The following POC5 variants were observed in gnomAD, a reference collection of about 807,000 sequenced individuals.
POC5 encodes POC5 centriolar protein, also known as centrosomal protein POC5.
In POC5, 48 loss-of-function variants were observed where a neutral mutation model predicts 62.9. That is an observed-to-expected ratio of 0.76 (90% confidence interval 0.61 to 0.97). POC5 has a LOEUF of 0.97. Among genes scored for constraint, POC5 ranks in the 50% least tolerant of loss-of-function variants. The probability of loss-of-function intolerance (pLI) is 0.00; values close to 1 mark genes in which losing one functional copy is unlikely to be tolerated. For synonymous variants in POC5, 236 were observed against 228.2 expected (o/e 1.03, Z -0.31); for missense variants, 696 against 679.5 (o/e 1.02, Z -0.27).
chr5:75,703,458 T>C (rs1332866070), intron 4 of POC5, among the ~76,000 whole-genome samples: 6 of 151,920 alleles, frequency 3.9e-5, no homozygotes, highest in Admixed American at 3.9e-4. Context: ...AAACCCCATC[T>C]CTACTAAAAA....
intron 1 of POC5, among the ~76,000 whole-genome samples, chr5:75,716,387 G>A (rs1199793509): frequency 1.3e-5 from 1 of 77,036 alleles, no homozygotes; most frequent in South Asian, 5.5e-4. Context: ...CAGGGGTGGG[G>A]GGGGGGGGGT....
Position 75,705,723 on chromosome 5 carries a change from T to C in POC5, c.288A>G (p.Ser96=). ...EVGKGCDFHI[S]SHSKTDESSP... is the part of the protein sequence containing the mutation. ...TCATACCATCTGTCTTTGAATGACTTGAAATATGGAAATCACATCCTTTTC... is the reference window on the plus strand; with the variant it reads ...TCATACCATCTGTCTTTGAATGACTCGAAATATGGAAATCACATCCTTTTC... The change falls in exon 4 of 12, where the codon TCA becomes TCG. Residue 96 remains serine, a synonymous_variant. Coordinates refer to ENST00000428202, the MANE Select transcript of POC5 (RefSeq NM_001099271.2). The C allele has an allele frequency of 6.5e-7, 1 of 1,545,602 alleles. No individual in the cohort carries two copies. Among genetic ancestry groups the C allele is most frequent in the Non-Finnish European group, 8.7e-7 (1 of 1,145,272 alleles).
intron 5 of POC5, among the ~76,000 whole-genome samples, chr5:75,701,009 A>G (rs1327249297): frequency 7.8e-6 from 1 of 128,368 alleles, no homozygotes; most frequent in Non-Finnish European, 1.7e-5. Context: ...GCAAATCAAA[A>G]CCACAATGAG....
intron 9 of POC5, 66 bp downstream of exon 9, chr5:75,688,946 C>CA: frequency 7.0e-7 from 1 of 1,424,556 alleles, no homozygotes; most frequent in Non-Finnish European, 9.3e-7. Flanking sequence ...TAGACCATAC[C>CA]AATCACCAAA....
chr5:75,712,570 T>C (rs1021983447), intron 2 of POC5: 3 of 1,007,188 alleles, frequency 3.0e-6, no homozygotes, highest in Middle Eastern at 2.0e-4. Flanking sequence ...ATGAAAAAAA[T>C]TTAAACAAAA....
intron 2 of POC5, among the ~76,000 whole-genome samples, chr5:75,709,812 C>T (rs1338244320): frequency 6.6e-6 from 1 of 152,156 alleles, no homozygotes; most frequent in Non-Finnish European, 1.5e-5. Context: ...TAAACTAATA[C>T]ATAAAATTTC....
At chr5:75,684,616 G>C (rs1284533005) in intron 10 of POC5, among the ~76,000 whole-genome samples, 1 of 152,018 alleles carries the variant, frequency 6.6e-6, no homozygotes, top group Non-Finnish European at 1.5e-5. Context: ...GCCCACCTCG[G>C]CCTCCCAGAG....
chr5:75,683,686 T>G (rs1775959300), intron 10 of POC5, among the ~76,000 whole-genome samples: 1 of 150,668 alleles, frequency 6.6e-6, no homozygotes, highest in African/African-American at 2.5e-5. Context: ...ACGATGTGCT[T>G]CATCTGAAAC....
chr5:75,675,586 A>G (rs1434686916), intron 11 of POC5, among the ~76,000 whole-genome samples: 2 of 152,234 alleles, frequency 1.3e-5, no homozygotes, highest in Non-Finnish European at 2.9e-5. Flanking sequence ...AAAGAAAAAT[A>G]ACTTCTTTTC....
chr5:75,702,848 G>T, intron 4 of POC5, 38 bp from the exon 5 acceptor site: 1 of 1,461,158 alleles, frequency 6.8e-7, no homozygotes, highest in Non-Finnish European at 9.4e-7. Context: ...AAGCCAAATT[G>T]AAAATAACTC....
intron 2 of POC5, among the ~76,000 whole-genome samples, chr5:75,711,045 G>A (rs903302538): frequency 7.2e-5 from 11 of 152,084 alleles, no homozygotes; most frequent in Non-Finnish European, 1.3e-4. Flanking sequence ...AAATAAATAA[G>A]TATATGTCAA....
At chr5:75,679,919 G>A (rs927324760) in intron 10 of POC5, among the ~76,000 whole-genome samples, 19 of 152,092 alleles carry the variant, frequency 1.2e-4, no homozygotes, top group African/African-American at 4.6e-4. Context: ...ACAGAGTTAG[G>A]GAGAGGAATT....
intron 9 of POC5, among the ~76,000 whole-genome samples, chr5:75,687,737 G>A (rs570473146): frequency 6.6e-6 from 1 of 152,246 alleles, no homozygotes; most frequent in East Asian, 1.9e-4. Context: ...TAAGAAACAG[G>A]TTTCTTGTAA....
Position 75,707,840 on chromosome 5 carries a change from C to A in POC5, c.120G>T (p.Val40=). The change falls in exon 3 of 12, where the codon GTG becomes GTT. Residue 40 remains valine, a synonymous_variant. Transcript: ENST00000428202. ...AAGCACAGGGTTCAATATTTGGAGT[C>A]ACTATAGCATAATGAAGCAGTTCTT... is the stretch of plus-strand genomic sequence containing the variant. ...EYEELLHYAI[V]TPNIEPCASQ... is the part of the protein sequence containing the mutation. 6.3e-7 allele frequency: 1 copy of A among 1,591,428 alleles called. No homozygotes were observed. The highest frequency in any genetic ancestry group is 8.6e-7 in the Non-Finnish European group (1 of 1,165,672).
rs763108233 is a variant in POC5, at chr5:75,692,393, T to G, written c.795+3A>C. 5.7e-6 allele frequency: 9 copies of G among 1,577,450 alleles called. No homozygotes were observed. Among genetic ancestry groups the G allele is most frequent in the Non-Finnish European group, 7.8e-6 (9 of 1,160,226 alleles). ...ATCAGCTGTCTTCTGCTTTGACACT[T>G]ACATCCTGTCTGGCTCTGACATGGC... On this transcript the variant is annotated splice_donor_region_variant and intron_variant, in intron 7 of 11. Transcript: ENST00000428202.
At chr5:75,696,544 C>G (rs1159854895) in intron 5 of POC5, among the ~76,000 whole-genome samples, 4 of 151,482 alleles carry the variant, frequency 2.6e-5, no homozygotes, top group Non-Finnish European at 5.9e-5. Context: ...GACATCCACA[C>G]CAAAAACCCA....
intron 2 of POC5, among the ~76,000 whole-genome samples, chr5:75,710,027 C>T (rs922011425): frequency 2.0e-5 from 3 of 152,292 alleles, no homozygotes; most frequent in East Asian, 3.9e-4. Flanking sequence ...TCCTTAAAAA[C>T]GAAGCTGCTT....
intron 1 of POC5, among the ~76,000 whole-genome samples, chr5:75,715,997 G>A (rs1742516449): frequency 6.6e-6 from 1 of 152,178 alleles, no homozygotes; most frequent in African/African-American, 2.4e-5. Context: ...ACGTTTGCTT[G>A]AACAATTTCA....
intron 4 of POC5, 78 bp downstream of exon 4, chr5:75,705,626 C>A: frequency 2.5e-6 from 2 of 800,764 alleles, no homozygotes; most frequent in South Asian, 2.2e-5. Flanking sequence ...TGAAATTATT[C>A]CTCTTACTAC....
Sources: gnomAD v4.1 joint callset for allele counts (sites outside exome capture counted in the v4.1 genomes callset) on GRCh38, gnomAD v4.1.1 for gene constraint, MANE v1.5 for transcripts, NCBI Gene and HGNC (gene_info 2026-07-23, HGNC 2026-07-21) for gene names.